The following LRRC66 variants were observed in gnomAD, a reference collection of about 807,000 sequenced individuals.
LRRC66 encodes the protein leucine rich repeat containing 66, also known as leucine-rich repeat-containing protein 66.
In LRRC66, 29 loss-of-function variants were observed where a neutral mutation model predicts 24.6. The observed-to-expected ratio is 1.18, with a 90% CI of 0.88 to 1.61. The LOEUF (loss-of-function observed/expected upper bound fraction) is 1.61, where lower values mean the gene tolerates loss of function less well. Ranked by LOEUF, LRRC66 falls within the 40% of genes most tolerant of loss-of-function variation. The probability of loss-of-function intolerance (pLI) is 0.00; values close to 1 mark genes in which losing one functional copy is unlikely to be tolerated. For missense variants in LRRC66, 1,124 were observed against 1,058.0 expected (o/e 1.06, Z -0.87); for synonymous variants, 411 against 397.6 (o/e 1.03, Z -0.40).
intron 2 of LRRC66, among the ~76,000 whole-genome samples, chr4:52,016,406 AAATT>A (rs1438850592): frequency 3.9e-5 from 6 of 152,336 alleles, no homozygotes; most frequent in African/African-American, 1.4e-4. Flanking sequence ...CAAGGAAAGG[AAATT>A]AATTGTCTAG....
chr4:52,014,143 C>G (rs1008814122), intron 2 of LRRC66, among the ~76,000 whole-genome samples: 9 of 152,020 alleles, frequency 5.9e-5, no homozygotes, highest in Admixed American at 1.3e-4. Flanking sequence ...ACCCAGCTAC[C>G]TGGGAGGCTG....
intron 3 of LRRC66, 151 bp from the exon 4 acceptor site, chr4:51,998,088 A>G: frequency 1.5e-6 from 1 of 681,046 alleles, no homozygotes; most frequent in South Asian, 2.2e-5. Flanking sequence ...TGGGGTTTTA[A>G]GTCTCTGTTC....
At chr4:52,000,999 AT>A (rs1452800971) in intron 3 of LRRC66, among the ~76,000 whole-genome samples, 2 of 152,208 alleles carry the variant, frequency 1.3e-5, no homozygotes, top group Non-Finnish European at 1.5e-5. Flanking sequence ...TCACCCATGT[AT>A]TCATTCCTTT....
chr4:52,009,608 G>A (rs1370836565), intron 2 of LRRC66, among the ~76,000 whole-genome samples: 2 of 152,044 alleles, frequency 1.3e-5, no homozygotes, highest in Non-Finnish European at 2.9e-5. Context: ...ATTGTGAACA[G>A]CTTTATGCTA....
In LRRC66 at chr4:51,994,465, G is replaced by T. The variant is rs1294710236; in HGVS notation, c.2557C>A (p.Gln853Lys). Residue 853 changes from glutamine (Q) to lysine (K), a missense_variant, in exon 5 of 5, where the codon CAG becomes AAG. Gln to Lys is a moderately conservative substitution (Grantham distance 53). Coordinates refer to ENST00000682860, the MANE Select transcript of LRRC66 (RefSeq NM_001024611.3). The stretch of plus-strand genomic sequence containing the variant: ...TCAGCAGAACATGGTGGTGTTTGCT[G>T]TAAAACGTCCACATTTGAAAATTCT... ...DLEFSNVDVL[Q>K]QTPPCSAEVP... 6.2e-7 allele frequency: 1 copy of T among 1,614,260 alleles called. No individual in the cohort carries two copies. Among genetic ancestry groups the T allele is most frequent in the South Asian group, 1.1e-5 (1 of 91,086 alleles).
At position 52,003,365 on chromosome 4, in the gene LRRC66, C is replaced by T. The variant is rs764790792; in HGVS notation, c.524G>A (p.Ser175Asn). Residue 175 changes from serine to asparagine, a missense_variant, in exon 3 of 5, where the codon AGT (serine) becomes AAT (asparagine). Physicochemically the swap from Ser to Asn is conservative, Grantham distance 46 (BLOSUM62 1). Coordinates refer to ENST00000682860, the MANE Select transcript of LRRC66 (RefSeq NM_001024611.3). The stretch of plus-strand genomic sequence containing the variant: ...TATCCCATTGAATGACAGATCCAAA[C>T]TCTGCAATGACTTCAGTTTCCACAG... ...KGLWKLKSLQ[S>N]LDLSFNGILQ... 2 of 1,613,246 alleles carry T rather than the reference C, an allele frequency of 1.2e-6. No homozygotes were observed. Among genetic ancestry groups the T allele is most frequent in the South Asian group, 1.1e-5 (1 of 90,732 alleles).
intron 2 of LRRC66, among the ~76,000 whole-genome samples, chr4:52,005,244 T>C (rs1736545755): frequency 6.6e-6 from 1 of 152,188 alleles, no homozygotes; most frequent in Non-Finnish European, 1.5e-5. Flanking sequence ...TGGCACTAGA[T>C]GACATTTGGC....
At chr4:52,000,596 T>G (rs1015737326) in intron 3 of LRRC66, among the ~76,000 whole-genome samples, 1 of 152,236 alleles carries the variant, frequency 6.6e-6, no homozygotes, top group African/African-American at 2.4e-5. Context: ...TAGCAGACTT[T>G]CTTCCTCGAT....
intron 2 of LRRC66, among the ~76,000 whole-genome samples, chr4:52,008,050 CTG>C (rs749089075): frequency 5.3e-5 from 8 of 151,930 alleles, no homozygotes; most frequent in Admixed American, 1.3e-4. Flanking sequence ...CCTCAGGTGA[CTG>C]TGTGTGAATT....
At position 51,996,159 on chromosome 4, in the gene LRRC66, T is replaced by G; in HGVS notation, c.863A>C (p.Glu288Ala). The G allele has an allele frequency of 1.2e-6, 2 of 1,605,174 alleles. No individual in the cohort carries two copies. The highest frequency in any genetic ancestry group is 1.7e-6 in the Non-Finnish European group (2 of 1,174,990). ...CTGGGGAGTGCCCCCGTTGGCCTCCTCACTCCCTGCAAGTGGGATTAAAAA... is the reference window on the plus strand; with the variant it reads ...CTGGGGAGTGCCCCCGTTGGCCTCCGCACTCCCTGCAAGTGGGATTAAAAA... ...NVICNRSIGS[E>A]EANGGTPQSR... Residue 288 changes from glutamate (E) to alanine (A), a missense_variant, in exon 5 of 5, where the codon GAG becomes GCG. Coordinates refer to ENST00000682860, the MANE Select transcript of LRRC66 (RefSeq NM_001024611.3).
At chr4:52,019,218 T>C (rs1284944557) in intron 1 of LRRC66, among the ~76,000 whole-genome samples, 1 of 152,204 alleles carries the variant, frequency 6.6e-6, no homozygotes, top group East Asian at 1.9e-4. Flanking sequence ...TCACATCTTA[T>C]GGCCTGGTCA....
chr4:52,017,159 A>G lies in LRRC66; in HGVS notation c.455T>C (p.Val152Ala), dbSNP rs1426525109. 3.1e-6 allele frequency: 5 copies of G among 1,613,946 alleles called. No individual in the cohort carries two copies. The highest frequency in any genetic ancestry group is 4.2e-6 in the Non-Finnish European group (5 of 1,179,946). The change falls in exon 2 of 5, where the codon GTG (valine) becomes GCG (alanine). Residue 152 changes from valine to alanine, a missense_variant. Coordinates refer to ENST00000682860, the MANE Select transcript of LRRC66 (RefSeq NM_001024611.3). ...GAGTTTATTTCTTTGAAGAATGAGC[A>G]CCTTCAGCAATGGAAACCTGTTTCT... ...SFRNRFPLLKVLILQRNKLSD... is the reference protein window; with the variant it reads ...SFRNRFPLLKALILQRNKLSD...
intron 2 of LRRC66, among the ~76,000 whole-genome samples, chr4:52,013,711 G>A (rs995564629): frequency 1.3e-5 from 2 of 152,182 alleles, no homozygotes; most frequent in East Asian, 1.9e-4. Flanking sequence ...GGGTTAGTTC[G>A]TGTGATATCT....
chr4:51,994,143 A>G lies in LRRC66; in HGVS notation c.*236T>C. 2.1e-6 allele frequency: 1 copy of G among 469,434 alleles called. No individual in the cohort carries two copies. The highest frequency in any genetic ancestry group is 3.5e-5 in the East Asian group (1 of 28,394). 29.1% of individuals were successfully genotyped at this position (469,434 alleles called of 1,614,324 possible). ...CAAAATATTCCCCTCTTTCTCTTTC[A>G]CACTGAAGAGCAGGTTCATCCCCAT... On this transcript the variant is annotated 3_prime_UTR_variant, in exon 5 of 5. Transcript: ENST00000682860.
chr4:51,997,178 C>A (rs1189906482), intron 4 of LRRC66, among the ~76,000 whole-genome samples: 1 of 152,018 alleles, frequency 6.6e-6, no homozygotes, highest in Non-Finnish European at 1.5e-5. Flanking sequence ...AATGTTCAGC[C>A]CCAGTAACAT....
intron 3 of LRRC66, among the ~76,000 whole-genome samples, chr4:52,002,639 C>A (rs1048582056): frequency 6.6e-6 from 1 of 152,244 alleles, no homozygotes; most frequent in Non-Finnish European, 1.5e-5. Flanking sequence ...TGACATAAAT[C>A]TCCCCAATAT....
chr4:52,001,494 A>C (rs1216449351), intron 3 of LRRC66, among the ~76,000 whole-genome samples: 1 of 152,220 alleles, frequency 6.6e-6, no homozygotes, highest in Non-Finnish European at 1.5e-5. Flanking sequence ...TCAGATTTCT[A>C]TGTTAAAAGA....
rs1374900816 is a variant in LRRC66, at chr4:51,993,667, C to T, written c.*712G>A. On this transcript the variant is annotated 3_prime_UTR_variant, in exon 5 of 5. Transcript: ENST00000682860. ...TTCTTGAAAATTGATTTTTAATTTA[C>T]ACTTTATTCTAAAAAGTGGCCCCTC... is the stretch of plus-strand genomic sequence containing the variant. 1 of 152,170 alleles carries T rather than the reference C, an allele frequency of 6.6e-6. No homozygotes were observed. Among genetic ancestry groups the T allele is most frequent in the Non-Finnish European group, 1.5e-5 (1 of 68,028 alleles). The allele number at this position is 152,170 out of a possible 1,614,324, so 9.4% of individuals were successfully genotyped here.
chr4:52,017,057 T>C, intron 2 of LRRC66, 61 bp downstream of exon 2: 1 of 1,517,788 alleles, frequency 6.6e-7, no homozygotes, highest in Non-Finnish European at 8.8e-7. Flanking sequence ...GTGGAATTCT[T>C]ATGAACATGA....
Sources: allele counts gnomAD v4.1 joint callset (sites outside exome capture counted in the v4.1 genomes callset), GRCh38; gene constraint gnomAD v4.1.1; transcripts MANE v1.5; gene names NCBI Gene and HGNC (gene_info 2026-07-23, HGNC 2026-07-21).